The following KCNT2 variants were observed in gnomAD, a reference collection of about 807,000 sequenced individuals.
KCNT2 encodes potassium sodium-activated channel subfamily T member 2.
A neutral mutation model predicts 153.8 loss-of-function variants in KCNT2; 67 were observed. That is an observed-to-expected ratio of 0.44 (90% CI 0.36 to 0.53). The LOEUF (loss-of-function observed/expected upper bound fraction) is 0.53. KCNT2 is among the 20% of genes least tolerant of loss of function. The probability of loss-of-function intolerance (pLI) is 0.00; values close to 1 mark genes in which losing one functional copy is unlikely to be tolerated. For missense variants in KCNT2, 975 were observed against 1,354.8 expected (o/e 0.72, Z 4.40); for synonymous variants, 500 against 458.8 (o/e 1.09, Z -1.15).
intron 5 of KCNT2, among the ~76,000 whole-genome samples, chr1:196,478,209 C>T (rs1678703608): frequency 6.6e-6 from 1 of 152,166 alleles, no homozygotes; most frequent in Non-Finnish European, 1.5e-5. Flanking sequence ...TTCATTAAAA[C>T]TGGTAAATCT....
At chr1:196,386,744 G>C (rs16839848) in intron 13 of KCNT2, among the ~76,000 whole-genome samples, 1 of 151,892 alleles carries the variant, frequency 6.6e-6, no homozygotes, top group Non-Finnish European at 1.5e-5. Flanking sequence ...CAGAGTTAGC[G>C]TTCTCAAGAA....
At chr1:196,543,358 C>A (rs914484904) in intron 1 of KCNT2, among the ~76,000 whole-genome samples, 8 of 152,010 alleles carry the variant, frequency 5.3e-5, no homozygotes, top group African/African-American at 1.7e-4. Context: ...GTCTTGTGTA[C>A]ATCTCATGAA....
chr1:196,240,698 T>C (rs903337755), intron 26 of KCNT2, among the ~76,000 whole-genome samples: 76 of 151,972 alleles, frequency 5.0e-4, no homozygotes, highest in Admixed American at 4.5e-3. Flanking sequence ...GAAGATTAAT[T>C]TGAGATGATG....
At chr1:196,383,012 T>A (rs1158905402) in intron 13 of KCNT2, among the ~76,000 whole-genome samples, 1 of 151,312 alleles carries the variant, frequency 6.6e-6, no homozygotes, top group Non-Finnish European at 1.5e-5. Flanking sequence ...GGGAAAAAAA[T>A]GAAAAACAAA....
intron 1 of KCNT2, among the ~76,000 whole-genome samples, chr1:196,532,033 G>GT (rs201913893): frequency 1.9e-4 from 28 of 150,488 alleles, no homozygotes; most frequent in East Asian, 1.2e-3. Flanking sequence ...AAAGTGTTGG[G>GT]TTTTTTTTTA....
chr1:196,353,197 C>G (rs989683179), intron 14 of KCNT2, among the ~76,000 whole-genome samples: 7 of 151,892 alleles, frequency 4.6e-5, no homozygotes, highest in Non-Finnish European at 8.8e-5. Flanking sequence ...CAAATAATCT[C>G]AGGAAACTAC....
intron 1 of KCNT2, among the ~76,000 whole-genome samples, chr1:196,596,056 G>GTATATATA (rs1174131733): frequency 6.3e-3 from 27 of 4,276 alleles, no homozygotes; most frequent in Admixed American, 0.03. Context: ...TCCATGATGT[G>GTATATATA]TATATATATA....
chr1:196,311,962 G>C (rs986898844), intron 21 of KCNT2, among the ~76,000 whole-genome samples: 4 of 151,730 alleles, frequency 2.6e-5, no homozygotes, highest in African/African-American at 9.7e-5. Flanking sequence ...TTAGATATTA[G>C]TACTTGTTCA....
chr1:196,480,660 C>A (rs532991890), intron 4 of KCNT2, among the ~76,000 whole-genome samples: 2 of 151,832 alleles, frequency 1.3e-5, no homozygotes, highest in Admixed American at 1.3e-4. Flanking sequence ...TCGAGACCAT[C>A]CTGGCTAACA....
chr1:196,282,217 T>C, intron 24 of KCNT2, 56 bp downstream of exon 24: 1 of 933,980 alleles, frequency 1.1e-6, no homozygotes, highest in Non-Finnish European at 1.7e-6. Flanking sequence ...ACACGGTAGA[T>C]AGATTTCAGA....
chr1:196,597,371 CT>C (rs765766349), intron 1 of KCNT2, among the ~76,000 whole-genome samples: 4,889 of 145,006 alleles, frequency 0.034, 240 homozygotes, highest in African/African-American at 0.11. Context: ...ACCTCACGTA[CT>C]TTTTTTTTTT....
At chr1:196,593,311 T>TATATATATATATATATATATATAC (rs1256165838) in intron 1 of KCNT2, among the ~76,000 whole-genome samples, 2 of 140,208 alleles carry the variant, frequency 1.4e-5, no homozygotes, top group African/African-American at 5.6e-5. Context: ...TATATATATA[T>TATATATATATATATATATATATAC]ACACACACAC....
At chr1:196,476,109 A>G (rs73067689) in intron 5 of KCNT2, among the ~76,000 whole-genome samples, 7,804 of 152,250 alleles carry the variant, frequency 0.051, 677 homozygotes, top group African/African-American at 0.18. Flanking sequence ...GAGTTCTATT[A>G]GCAAAACACC....
At chr1:196,594,087 T>C (rs573193187) in intron 1 of KCNT2, among the ~76,000 whole-genome samples, 1 of 152,210 alleles carries the variant, frequency 6.6e-6, no homozygotes, top group African/African-American at 2.4e-5. Flanking sequence ...GTTGATCATT[T>C]ACAACACCTC....
chr1:196,402,983 C>T (rs1671546317), intron 12 of KCNT2, among the ~76,000 whole-genome samples: 1 of 151,598 alleles, frequency 6.6e-6, no homozygotes, highest in Non-Finnish European at 1.5e-5. Flanking sequence ...CAAAATGATA[C>T]ATCAAATTTG....
intron 1 of KCNT2, among the ~76,000 whole-genome samples, chr1:196,603,633 A>G (rs1389461021): frequency 2.0e-5 from 3 of 152,196 alleles, no homozygotes; most frequent in East Asian, 1.9e-4. Context: ...AACAACTACA[A>G]TGCATTAGTT....
At chr1:196,374,606 CT>C (rs1668799467) in intron 13 of KCNT2, among the ~76,000 whole-genome samples, 1 of 151,702 alleles carries the variant, frequency 6.6e-6, no homozygotes, top group South Asian at 2.1e-4. Flanking sequence ...TTATTTATTG[CT>C]TTGCAGGAAA....
chr1:196,468,714 T>C (rs1677824540), intron 6 of KCNT2, among the ~76,000 whole-genome samples: 1 of 152,076 alleles, frequency 6.6e-6, no homozygotes, highest in Non-Finnish European at 1.5e-5. Context: ...GGATAAGTAA[T>C]TTCTAGTAAT....
At chr1:196,319,633 A>T (rs981787541) in intron 19 of KCNT2, 78 bp from the exon 20 acceptor site, 2 of 899,618 alleles carry the variant, frequency 2.2e-6, no homozygotes, top group Non-Finnish European at 1.7e-6. Flanking sequence ...AAGTAAGTTG[A>T]CTTAGTTTGC....
Sources: allele counts gnomAD v4.1 joint callset (sites outside exome capture counted in the v4.1 genomes callset), GRCh38; gene constraint gnomAD v4.1.1; transcripts MANE v1.5; gene names NCBI Gene and HGNC (gene_info 2026-07-23, HGNC 2026-07-21).